The following GATAD2B variants were observed in gnomAD, a reference collection of about 807,000 sequenced individuals.
GATAD2B encodes GATA zinc finger domain containing 2B.
In GATAD2B, 8 loss-of-function variants were observed where a neutral mutation model predicts 64.3. That is an observed-to-expected ratio of 0.12 (90% CI 0.07 to 0.22). GATAD2B has a LOEUF of 0.22. GATAD2B is among the 10% of genes least tolerant of loss of function. The pLI is 1.00. For missense variants in GATAD2B, 453 were observed against 752.0 expected (o/e 0.60, Z 4.65); for synonymous variants, 281 against 271.3 (o/e 1.04, Z -0.35).
chr1:153,882,445 T>C (rs182183189), intron 1 of GATAD2B, among the ~76,000 whole-genome samples: 76 of 152,258 alleles, frequency 5.0e-4, no homozygotes, highest in Admixed American at 4.2e-3. Context: ...GTCCCACAGA[T>C]AGGACATCTG....
chr1:153,820,791 G>A lies in GATAD2B; in HGVS notation c.336-1056C>T, dbSNP rs888161426. ...ACTACAGGCATGTGCCGCTACGCCC[G>A]GCTAATTTTTGTACTTTTTGTAGAG... On this transcript the variant is annotated intron_variant, in intron 2 of 10. Transcript: ENST00000368655. Among the ~76,000 whole-genome samples the A allele has an allele frequency of 5.3e-5, 8 of 151,822 alleles. No homozygotes were observed. The East Asian group carries it at 9.7e-4, about 18-fold the overall frequency.
chr1:153,852,424 G>A (rs1675931670), intron 1 of GATAD2B: 2 of 771,538 alleles, frequency 2.6e-6, no homozygotes, highest in Middle Eastern at 2.3e-4. Context: ...ATGTTGGACA[G>A]AAGGCCGTGG....
At chr1:153,894,865 AAAAC>A (rs1036960830) in intron 1 of GATAD2B, among the ~76,000 whole-genome samples, 5 of 151,978 alleles carry the variant, frequency 3.3e-5, no homozygotes, top group Admixed American at 2.0e-4. Flanking sequence ...ACGTCTCAAA[AAAAC>A]AAACAAAGGC....
At chr1:153,879,843 C>A (rs1676955982) in intron 1 of GATAD2B, among the ~76,000 whole-genome samples, 1 of 151,380 alleles carries the variant, frequency 6.6e-6, no homozygotes. Context: ...CCCCTAATTG[C>A]CAATGAAAGA....
At chr1:153,830,934 G>A (rs997564248) in intron 1 of GATAD2B, among the ~76,000 whole-genome samples, 30 of 152,064 alleles carry the variant, frequency 2.0e-4, no homozygotes, top group Non-Finnish European at 4.1e-4. Flanking sequence ...ACCACACTGG[G>A]CTAATTTTTT....
intron 1 of GATAD2B, among the ~76,000 whole-genome samples, chr1:153,836,005 G>A (rs1675249228): frequency 6.6e-6 from 1 of 152,072 alleles, no homozygotes; most frequent in African/African-American, 2.4e-5. Flanking sequence ...TTACAGGCGT[G>A]AGCCACTGCG....
intron 4 of GATAD2B, 34 bp downstream of exon 4, chr1:153,818,756 CT>C: frequency 6.3e-7 from 1 of 1,598,456 alleles, no homozygotes. Context: ...TTTTTCTTTC[CT>C]TTCCCTTAGT....
At chr1:153,843,265 G>C (rs970770887) in intron 1 of GATAD2B, among the ~76,000 whole-genome samples, 2 of 151,534 alleles carry the variant, frequency 1.3e-5, no homozygotes, top group African/African-American at 4.9e-5. Context: ...CTCCCAAGCA[G>C]CTAGGACTAC....
intron 1 of GATAD2B, among the ~76,000 whole-genome samples, chr1:153,873,550 T>C (rs1485514145): frequency 6.6e-6 from 1 of 152,190 alleles, no homozygotes; most frequent in Non-Finnish European, 1.5e-5. Context: ...TGATGCCCTG[T>C]GCCACTCTGG....
intron 1 of GATAD2B, among the ~76,000 whole-genome samples, chr1:153,875,748 A>C (rs1676807000): frequency 6.6e-6 from 1 of 152,038 alleles, no homozygotes; most frequent in Non-Finnish European, 1.5e-5. Flanking sequence ...AGAACAATGA[A>C]AATAGTATAA....
chr1:153,810,349 AGAG>A, intron 10 of GATAD2B, 39 bp from the exon 11 acceptor site: 1 of 1,605,138 alleles, frequency 6.2e-7, no homozygotes, highest in Non-Finnish European at 8.5e-7. Flanking sequence ...AGGTATTAAA[AGAG>A]GAAATAACAT....
intron 1 of GATAD2B, chr1:153,853,164 A>G (rs1012800852): frequency 1.5e-6 from 2 of 1,366,734 alleles, no homozygotes; most frequent in Non-Finnish European, 2.1e-6. Flanking sequence ...CCCCTTACAG[A>G]CACGGATATT....
chr1:153,909,102 G>A (rs762139694), intron 1 of GATAD2B, among the ~76,000 whole-genome samples: 18 of 152,154 alleles, frequency 1.2e-4, no homozygotes, highest in Non-Finnish European at 1.8e-4. Context: ...CTACTTGGGA[G>A]ACTAAGGCGC....
intron 1 of GATAD2B, among the ~76,000 whole-genome samples, chr1:153,904,716 T>C (rs1346457948): frequency 6.6e-6 from 1 of 151,942 alleles, no homozygotes; most frequent in South Asian, 2.1e-4. Flanking sequence ...TAATTTTTTT[T>C]TTTTTCTCAG....
At chr1:153,840,202 T>C (rs1350986565) in intron 1 of GATAD2B, among the ~76,000 whole-genome samples, 1 of 147,868 alleles carries the variant, frequency 6.8e-6, no homozygotes, top group Non-Finnish European at 1.5e-5. Flanking sequence ...CCGGCTAATT[T>C]TTTGTATTTT....
At chr1:153,857,067 T>A (rs867409913) in intron 1 of GATAD2B, among the ~76,000 whole-genome samples, 1 of 151,920 alleles carries the variant, frequency 6.6e-6, no homozygotes, top group East Asian at 1.9e-4. Context: ...TCCTTTTGTA[T>A]GTAAAAAGGA....
rs1219232219 is a variant in GATAD2B, at chr1:153,807,468, G to A, written c.*2709C>T. The A allele has an allele frequency of 6.6e-6, 1 of 152,232 alleles. No individual in the cohort carries two copies. Among genetic ancestry groups the A allele is most frequent in the Non-Finnish European group, 1.5e-5 (1 of 68,072 alleles). 9.4% of individuals were successfully genotyped at this position (152,232 alleles called of 1,614,324 possible). On this transcript the variant is annotated 3_prime_UTR_variant, in exon 11 of 11. Coordinates refer to ENST00000368655, the MANE Select transcript of GATAD2B (RefSeq NM_020699.4). ...CACCTCCATCACTAATCCCTGGGAAGAGTATGAAAATGGGGAGAAGAAAGG... is the reference window on the plus strand; with the variant it reads ...CACCTCCATCACTAATCCCTGGGAAAAGTATGAAAATGGGGAGAAGAAAGG...
intron 1 of GATAD2B, among the ~76,000 whole-genome samples, chr1:153,864,182 C>T (rs1676401823): frequency 6.6e-6 from 1 of 152,162 alleles, no homozygotes; most frequent in Admixed American, 6.5e-5. Context: ...ATACATTCAT[C>T]ACACAAGTCT....
chr1:153,889,907 C>T (rs1181798075), intron 1 of GATAD2B, among the ~76,000 whole-genome samples: 1 of 152,076 alleles, frequency 6.6e-6, no homozygotes, highest in Non-Finnish European at 1.5e-5. Flanking sequence ...GGCGCGGTGG[C>T]TCACGCCTGT....
Sources: gnomAD v4.1 joint callset for allele counts (sites outside exome capture counted in the v4.1 genomes callset) on GRCh38, gnomAD v4.1.1 for gene constraint, MANE v1.5 for transcripts, NCBI Gene and HGNC (gene_info 2026-07-23, HGNC 2026-07-21) for gene names.